The following CAMK4 variants were observed in gnomAD, a reference collection of about 807,000 sequenced individuals.
CAMK4 encodes calcium/calmodulin-dependent protein kinase type IV.
A neutral mutation model predicts 44.9 loss-of-function variants in CAMK4; 22 were observed. That is an observed-to-expected ratio of 0.49 (90% CI 0.35 to 0.70). CAMK4 has a LOEUF of 0.70. Ranked by LOEUF, CAMK4 falls within the 30% of genes least tolerant of loss-of-function variation. The probability of loss-of-function intolerance (pLI) is 0.01; values close to 1 mark genes in which losing one functional copy is unlikely to be tolerated. For missense variants in CAMK4, 498 were observed against 586.8 expected, an observed-to-expected ratio of 0.85 and a Z score of 1.56; for synonymous variants, 218 against 215.4, an observed-to-expected ratio of 1.01 and a Z score of -0.11.
intron 1 of CAMK4, among the ~76,000 whole-genome samples, chr5:111,267,703 CAAAAAAAA>C (rs59699712): frequency 1.4e-5 from 1 of 71,734 alleles, no homozygotes; most frequent in African/African-American, 5.9e-5. Context: ...GACTCCGTCT[CAAAAAAAA>C]AAAAAAAAAA....
chr5:111,396,984 C>A (rs1752037099), intron 5 of CAMK4, among the ~76,000 whole-genome samples: 2 of 152,286 alleles, frequency 1.3e-5, no homozygotes, highest in African/African-American at 4.8e-5. Context: ...TCATCTCTTG[C>A]AATCACTATT....
chr5:111,224,364 G>A, upstream of CAMK4: 1 of 1,319,306 alleles, frequency 7.6e-7, no homozygotes, highest in South Asian at 1.9e-5. This position sits in a 1 kb window ranked among gnomAD's most constrained non-coding sequence, Gnocchi z 5.7. Context: ...GGGCGTGTGC[G>A]CGCGTGAAGG....
At chr5:111,459,686 C>CTTTTTTTTTTT (rs56176713) in intron 7 of CAMK4, among the ~76,000 whole-genome samples, 1 of 86,690 alleles carries the variant, frequency 1.2e-5, no homozygotes, top group Admixed American at 1.3e-4. Context: ...TAGAGACAGT[C>CTTTTTTTTTTT]TTTTTTTTTT....
chr5:111,476,394 C>T (rs1376192028), intron 8 of CAMK4, among the ~76,000 whole-genome samples: 2 of 151,922 alleles, frequency 1.3e-5, no homozygotes, highest in East Asian at 3.9e-4. Flanking sequence ...TCTTCTGCTC[C>T]AGCCCCCCGA....
chr5:111,479,411 T>A lies in CAMK4; in HGVS notation c.828+904T>A, dbSNP rs1326565903. ...TTCTGGGGAGGTCACTCACCTCTTATAAAATAAAGAGGATGCTAACATGAG... is the reference window on the plus strand; with the variant it reads ...TTCTGGGGAGGTCACTCACCTCTTAAAAAATAAAGAGGATGCTAACATGAG... On this transcript the variant is annotated intron_variant, in intron 9 of 10. Coordinates refer to ENST00000282356, the MANE Select transcript of CAMK4 (RefSeq NM_001744.6). 2.0e-5 allele frequency among the ~76,000 whole-genome samples: 3 copies of A among 152,276 alleles called. No individual in the cohort carries two copies. In the East Asian group the frequency reaches 5.8e-4, roughly 29 times the overall value.
intron 2 of CAMK4, among the ~76,000 whole-genome samples, chr5:111,361,240 G>T (rs543645123): frequency 6.6e-6 from 1 of 151,786 alleles, no homozygotes; most frequent in Non-Finnish European, 1.5e-5. Flanking sequence ...TTATTTAACA[G>T]TATACAAAAT....
chr5:111,428,281 C>T (rs149018818), intron 5 of CAMK4, among the ~76,000 whole-genome samples: 35 of 152,336 alleles, frequency 2.3e-4, no homozygotes, highest in Non-Finnish European at 4.7e-4. Flanking sequence ...TAAGTCCACA[C>T]GGTGACAACT....
At chr5:111,455,457 T>C (rs187218312) in intron 7 of CAMK4, among the ~76,000 whole-genome samples, 2 of 152,288 alleles carry the variant, frequency 1.3e-5, no homozygotes, top group Admixed American at 1.3e-4. Flanking sequence ...ACTTCAGCTA[T>C]TGAATGTGAA....
chr5:111,284,092 A>T (rs953218494), intron 1 of CAMK4, among the ~76,000 whole-genome samples: 4 of 152,192 alleles, frequency 2.6e-5, no homozygotes, highest in Non-Finnish European at 5.9e-5. Context: ...TGTGAGGTAA[A>T]AATTATAGTA....
chr5:111,348,551 C>G (rs1749962637), intron 2 of CAMK4, among the ~76,000 whole-genome samples: 1 of 151,718 alleles, frequency 6.6e-6, no homozygotes, highest in African/African-American at 2.4e-5. Flanking sequence ...TATATAGAGA[C>G]CTATATTTCA....
intron 5 of CAMK4, among the ~76,000 whole-genome samples, chr5:111,425,875 T>C (rs763562373): frequency 1.3e-5 from 2 of 152,206 alleles, no homozygotes; most frequent in African/African-American, 2.4e-5. Flanking sequence ...TTGAAATGTA[T>C]CACGAGTTCT....
rs185920256 is a variant in CAMK4 at position 111,276,579 on chromosome 5, A to G, written c.161+51935A>G. 2.3e-3 allele frequency among the ~76,000 whole-genome samples: 345 copies of G among 152,316 alleles called. 1 individual carries two copies. Among genetic ancestry groups the G allele is most frequent in the Middle Eastern group, 3.4e-3 (1 of 294 alleles). ...CCCATCTGTAAAAATATGTATTTAT[A>G]TATTAAGTCAAAATCTAAAAAAGTT... On this transcript the variant is annotated intron_variant, in intron 1 of 10. Coordinates refer to ENST00000282356, the MANE Select transcript of CAMK4 (RefSeq NM_001744.6).
intron 5 of CAMK4, among the ~76,000 whole-genome samples, chr5:111,424,855 A>G (rs1240486244): frequency 6.6e-6 from 1 of 152,016 alleles, no homozygotes; most frequent in East Asian, 1.9e-4. Context: ...ATCTGGAATG[A>G]TGAAAGAATC....
At chr5:111,448,781 G>C (rs1055887212) in intron 6 of CAMK4, among the ~76,000 whole-genome samples, 1 of 152,120 alleles carries the variant, frequency 6.6e-6, no homozygotes, top group Non-Finnish European at 1.5e-5. Context: ...CTCCAGCCTA[G>C]GCAACAGAGC....
intron 1 of CAMK4, among the ~76,000 whole-genome samples, chr5:111,288,166 T>C (rs1751312643): frequency 6.6e-6 from 1 of 152,260 alleles, no homozygotes. Flanking sequence ...TTCATTGCTA[T>C]ATGGTATTCT....
intron 5 of CAMK4, among the ~76,000 whole-genome samples, chr5:111,420,374 G>A (rs1222249629): frequency 6.6e-6 from 1 of 152,008 alleles, no homozygotes; most frequent in Non-Finnish European, 1.5e-5. Context: ...ATACAATCAT[G>A]TCATCTGCAA....
chr5:111,354,755 A>T (rs1201764518), intron 2 of CAMK4, among the ~76,000 whole-genome samples: 1 of 152,106 alleles, frequency 6.6e-6, no homozygotes, highest in Non-Finnish European at 1.5e-5. Flanking sequence ...GGCCAAGAGG[A>T]GGAAGCTTAT....
chr5:111,323,562 G>GA (rs1003102248), intron 1 of CAMK4, among the ~76,000 whole-genome samples: 40 of 148,718 alleles, frequency 2.7e-4, no homozygotes, highest in African/African-American at 9.4e-4. Context: ...TGTCCCATTT[G>GA]AAAAAAAAAT....
intron 1 of CAMK4, among the ~76,000 whole-genome samples, chr5:111,287,303 TAGGAACAA>T (rs1245449129): frequency 6.6e-6 from 1 of 152,108 alleles, no homozygotes; most frequent in Non-Finnish European, 1.5e-5. Flanking sequence ...AGAGACAGGA[TAGGAACAA>T]AGTTCCAGAG....
Sources: allele counts gnomAD v4.1 joint callset (sites outside exome capture counted in the v4.1 genomes callset), GRCh38; gene constraint gnomAD v4.1.1; non-coding constraint Gnocchi (gnomAD v3.1); transcripts MANE v1.5; gene names NCBI Gene and HGNC (gene_info 2026-07-23, HGNC 2026-07-21).